TSC22D1: variants seen among roughly 807,000 people sequenced by gnomAD.
TSC22D1 encodes the protein TSC22 domain family member 1.
Under a neutral mutation model 74.2 loss-of-function variants are expected in TSC22D1, and 9 were observed. The ratio of observed to expected loss-of-function variants is 0.12; its 90% confidence interval spans 0.07 to 0.21. The LOEUF (loss-of-function observed/expected upper bound fraction) is 0.21. Ranked by LOEUF, TSC22D1 falls within the 10% of genes least tolerant of loss-of-function variation. The pLI is 1.00. For missense variants in TSC22D1, 1,427 were observed against 1,304.7 expected, an observed-to-expected ratio of 1.09 and a Z score of -1.44; for synonymous variants, 586 against 492.5, an observed-to-expected ratio of 1.19 and a Z score of -2.51.
intron 1 of TSC22D1, among the ~76,000 whole-genome samples, chr13:44,513,739 C>T (rs1367571649): frequency 6.6e-6 from 1 of 152,210 alleles, no homozygotes. Context: ...TAAGCAGTAT[C>T]AACCAGGGCA....
intron 1 of TSC22D1, among the ~76,000 whole-genome samples, chr13:44,510,941 C>T (rs939943301): frequency 1.3e-5 from 2 of 152,046 alleles, no homozygotes; most frequent in Admixed American, 6.5e-5. Flanking sequence ...CTGAAGAACT[C>T]GTGGTAATTT....
intron 1 of TSC22D1, among the ~76,000 whole-genome samples, chr13:44,570,309 G>C (rs914260788): frequency 2.0e-5 from 3 of 151,058 alleles, no homozygotes; most frequent in African/African-American, 4.9e-5. Context: ...TACCACCTCA[G>C]CCTTCCAGGT....
chr13:44,477,944 T>C (rs955194175), intron 1 of TSC22D1, among the ~76,000 whole-genome samples: 22 of 152,086 alleles, frequency 1.4e-4, no homozygotes, highest in Admixed American at 4.6e-4. Flanking sequence ...CCCAGCCTGC[T>C]AATAGATTTA....
At chr13:44,552,975 G>A (rs573876358) in intron 1 of TSC22D1, among the ~76,000 whole-genome samples, 3 of 152,176 alleles carry the variant, frequency 2.0e-5, no homozygotes, top group East Asian at 1.9e-4. Context: ...GCGACATAGC[G>A]CGACTCCATC....
Position 44,574,116 on chromosome 13 carries a change from A to G in TSC22D1, c.1959T>C (p.Ala653=), listed in dbSNP as rs1412848895. 6.2e-7 allele frequency: 1 copy of G among 1,614,176 alleles called. No individual in the cohort carries two copies. The highest frequency in any genetic ancestry group is 1.1e-5 in the South Asian group (1 of 91,090). Residue 653 remains alanine (A), a synonymous_variant, in exon 1 of 3, where the codon GCT becomes GCC. Coordinates refer to ENST00000458659, the MANE Select transcript of TSC22D1 (RefSeq NM_183422.4). The part of the protein sequence containing the change: ...GHVKSVTQNP[A]SEYVQQQPIL... ...TTGGCTGCTGTTGTACATACTCTGA[A>G]GCAGGATTTTGAGTCACTGATTTGA...
At chr13:44,475,231 GA>G (rs1877841950) in intron 1 of TSC22D1, among the ~76,000 whole-genome samples, 1 of 151,938 alleles carries the variant, frequency 6.6e-6, no homozygotes. Flanking sequence ...TTTTGTAGTA[GA>G]AAAAAGATAA....
intron 1 of TSC22D1, among the ~76,000 whole-genome samples, chr13:44,440,321 G>C (rs890487473): frequency 6.6e-6 from 1 of 152,160 alleles, no homozygotes; most frequent in African/African-American, 2.4e-5. Flanking sequence ...GCTCATGCCT[G>C]TAATCCCAGC....
chr13:44,443,479 A>G (rs1875372818), intron 1 of TSC22D1, among the ~76,000 whole-genome samples: 1 of 152,220 alleles, frequency 6.6e-6, no homozygotes, highest in Non-Finnish European at 1.5e-5. Context: ...GATCTACGCA[A>G]GAGTGTGAAG....
At chr13:44,449,680 G>T (rs891405285) in intron 1 of TSC22D1, among the ~76,000 whole-genome samples, 9 of 150,040 alleles carry the variant, frequency 6.0e-5, no homozygotes, top group Non-Finnish European at 1.0e-4. Context: ...AGAAGACAAT[G>T]CGATGAAAAT....
chr13:44,543,561 A>G (rs1313789417), intron 1 of TSC22D1, among the ~76,000 whole-genome samples: 1 of 152,226 alleles, frequency 6.6e-6, no homozygotes, highest in Non-Finnish European at 1.5e-5. Flanking sequence ...AGTATCCAAA[A>G]CAGTCCTAGC....
At chr13:44,463,943 C>A (rs777552077) in intron 1 of TSC22D1, among the ~76,000 whole-genome samples, 1 of 152,164 alleles carries the variant, frequency 6.6e-6, no homozygotes, top group Non-Finnish European at 1.5e-5. Flanking sequence ...GTGCTTCCTG[C>A]CAACAGACAG....
At chr13:44,488,412 A>G (rs1231621520) in intron 1 of TSC22D1, among the ~76,000 whole-genome samples, 2 of 152,254 alleles carry the variant, frequency 1.3e-5, no homozygotes, top group African/African-American at 4.8e-5. Context: ...AAATAAAATA[A>G]AGCAAATTAT....
chr13:44,517,859 T>TATATA (rs1566149994), intron 1 of TSC22D1, among the ~76,000 whole-genome samples: 45 of 14,312 alleles, frequency 3.1e-3, no homozygotes, highest in South Asian at 8.1e-3. Flanking sequence ...ATATATATAT[T>TATATA]TTTTTTTTTT....
At chr13:44,552,988 A>AAAACAAAC (rs199965859) in intron 1 of TSC22D1, among the ~76,000 whole-genome samples, 1 of 151,748 alleles carries the variant, frequency 6.6e-6, no homozygotes, top group African/African-American at 2.4e-5. Flanking sequence ...ACTCCATCTC[A>AAAACAAAC]AAACAAACAA....
chr13:44,498,307 C>A (rs1294623785), intron 1 of TSC22D1, among the ~76,000 whole-genome samples: 3 of 151,496 alleles, frequency 2.0e-5, no homozygotes, highest in Non-Finnish European at 2.9e-5. Flanking sequence ...CAAAAACAAA[C>A]AAACAAACAA....
chr13:44,475,393 T>C (rs1877850379), intron 1 of TSC22D1, among the ~76,000 whole-genome samples: 1 of 151,184 alleles, frequency 6.6e-6, no homozygotes, highest in Non-Finnish European at 1.5e-5. Context: ...AGCCTAAAGA[T>C]TATTGGGATA....
chr13:44,482,487 C>G (rs547551849), intron 1 of TSC22D1, among the ~76,000 whole-genome samples: 1 of 152,066 alleles, frequency 6.6e-6, no homozygotes, highest in Non-Finnish European at 1.5e-5. Flanking sequence ...TGCAGTGAGC[C>G]GAGATCACGC....
At chr13:44,534,207 C>T (rs1353890819) in intron 1 of TSC22D1, among the ~76,000 whole-genome samples, 1 of 140,640 alleles carries the variant, frequency 7.1e-6, no homozygotes, top group Non-Finnish European at 1.5e-5. Flanking sequence ...GCCTGAGCGA[C>T]AGAGTAAGAC....
intron 1 of TSC22D1, among the ~76,000 whole-genome samples, chr13:44,508,416 C>A (rs972150145): frequency 6.6e-6 from 1 of 152,048 alleles, no homozygotes; most frequent in African/African-American, 2.4e-5. Context: ...GTAAACTTGG[C>A]CAGTTATCTT....
Sources: allele counts gnomAD v4.1 joint callset (sites outside exome capture counted in the v4.1 genomes callset), GRCh38; gene constraint gnomAD v4.1.1; transcripts MANE v1.5; gene names NCBI Gene and HGNC (gene_info 2026-07-23, HGNC 2026-07-21).